Variants in RPL34 observed in about 807,000 individuals in gnomAD.
The protein encoded by RPL34 is large ribosomal subunit protein eL34.
In RPL34, 2 loss-of-function variants were observed where a neutral mutation model predicts 16.3. The ratio of observed to expected loss-of-function variants is 0.12; its 90% CI spans 0.05 to 0.39. RPL34 has a LOEUF of 0.39. Ranked by LOEUF, RPL34 falls within the 10% of genes least tolerant of loss-of-function variation. The pLI is 0.99. For synonymous variants in RPL34, 47 were observed against 48.5 expected, an observed-to-expected ratio of 0.97 and a Z score of 0.13; for missense variants, 82 against 148.8, an observed-to-expected ratio of 0.55 and a Z score of 2.33.
intron 3 of RPL34, 79 bp downstream of exon 3, chr4:108,622,283 C>A: frequency 1.9e-6 from 2 of 1,076,072 alleles, no homozygotes; most frequent in East Asian, 2.4e-5. Flanking sequence ...TGGAATGAAT[C>A]AAGGAGAGGT....
At chr4:108,628,820 A>C (rs189349583), downstream of RPL34, among the ~76,000 whole-genome samples, 1 of 152,100 alleles carries the variant, frequency 6.6e-6, no homozygotes, top group Non-Finnish European at 1.5e-5. Context: ...TTCACTACTT[A>C]CTATTATTAT....
chr4:108,627,676 G>A (rs2009823), downstream of RPL34, among the ~76,000 whole-genome samples: 6,406 of 152,002 alleles, frequency 0.042, 434 homozygotes, highest in African/African-American at 0.15. Flanking sequence ...AGCCTGACCA[G>A]TATGGTGAAA....
chr4:108,628,894 C>T (rs1726097816), downstream of RPL34, among the ~76,000 whole-genome samples: 1 of 152,204 alleles, frequency 6.6e-6, no homozygotes, highest in African/African-American at 2.4e-5. Context: ...GCGATCTCAG[C>T]TTACTGCAAC....
chr4:108,621,606 C>A (rs1725775680), intron 1 of RPL34: 1 of 255,298 alleles, frequency 3.9e-6, no homozygotes, highest in Non-Finnish European at 7.8e-6. Context: ...CTTCAGAGCT[C>A]ACTTTTTGTG....
chr4:108,627,334 A>G (rs1726047442), downstream of RPL34, among the ~76,000 whole-genome samples: 1 of 152,150 alleles, frequency 6.6e-6, no homozygotes, highest in South Asian at 2.1e-4. Context: ...GGATCACTTG[A>G]GGACAGGAGT....
chr4:108,620,940 A>G (rs1201386336), intron 1 of RPL34: 1 of 152,246 alleles, frequency 6.6e-6, no homozygotes. Flanking sequence ...TTTTCACAGC[A>G]CGCCTGTACG....
intron 1 of RPL34, 42 bp downstream of exon 1, chr4:108,620,642 C>T (rs1190676079): frequency 3.8e-6 from 1 of 261,422 alleles, no homozygotes; most frequent in Non-Finnish European, 7.9e-6. Context: ...ATTTCCTTAC[C>T]AATCGGCTGC....
At chr4:108,620,887 G>A (rs1006033220) in intron 1 of RPL34, 1 of 152,476 alleles carries the variant, frequency 6.6e-6, no homozygotes, top group Non-Finnish European at 1.5e-5. Flanking sequence ...TTGGCGGTTT[G>A]AGTCTGGAAA....
Position 108,625,311 on chromosome 4 carries a change from G to C in RPL34, c.*99G>C. 2 of 677,322 alleles carry C rather than the reference G, an allele frequency of 3.0e-6. No individual in the cohort carries two copies. The highest frequency in any genetic ancestry group is 5.2e-6 in the Non-Finnish European group (2 of 387,852). The allele number at this position is 677,322 out of a possible 1,614,324, so 42.0% of individuals were successfully genotyped here. A position where few individuals can be genotyped will look rare whatever the true frequency, so the allele number is the denominator to read the frequency against. ...GTGTTAGTATACAGATTTTGTTTCT[G>C]TATGGTATTTGGGGACCCTATAGTT... On this transcript the variant is annotated 3_prime_UTR_variant, in exon 5 of 5. Coordinates refer to ENST00000394667, the MANE Select transcript of RPL34 (RefSeq NM_001319236.2).
downstream of RPL34, among the ~76,000 whole-genome samples, chr4:108,627,856 CAA>C (rs113128106): frequency 1.7e-5 from 2 of 117,428 alleles, no homozygotes; most frequent in African/African-American, 3.1e-5. Flanking sequence ...TGAGACTCCT[CAA>C]AAAAAAAAAA....
Position 108,622,801 on chromosome 4 carries a change from G to A in RPL34, c.269+183G>A, listed in dbSNP as rs1725839854. 5 of 463,840 alleles carry A rather than the reference G, an allele frequency of 1.1e-5. 1 individual carries two copies. In the South Asian group the frequency reaches 1.3e-4, roughly 13 times the overall value. The allele number at this position is 463,840 out of a possible 1,614,324, so 28.7% of individuals were successfully genotyped here. Reference sequence around the variant, plus strand: ...ATGATATTCAAAGTAATAATTTGGGGGCATATTTATGCTAGATGTGGAGAT... The same window carrying A: ...ATGATATTCAAAGTAATAATTTGGGAGCATATTTATGCTAGATGTGGAGAT... On this transcript the variant is annotated intron_variant, in intron 4 of 4. Coordinates refer to ENST00000394667, the MANE Select transcript of RPL34 (RefSeq NM_001319236.2).
In RPL34 at chr4:108,625,223, C is replaced by G; in HGVS notation, c.*11C>G. Reference sequence around the variant, plus strand: ...CAGAAAGCTAAATAAAAAAATGAAACTTTTTTGAGTAATAAAAATGAAAAG... The same window carrying G: ...CAGAAAGCTAAATAAAAAAATGAAAGTTTTTTGAGTAATAAAAATGAAAAG... On this transcript the variant is annotated 3_prime_UTR_variant, in exon 5 of 5. Transcript: ENST00000394667. 2 of 1,536,754 alleles carry G rather than the reference C, an allele frequency of 1.3e-6. No homozygotes were observed. The highest frequency in any genetic ancestry group is 1.8e-6 in the Non-Finnish European group (2 of 1,118,160).
At chr4:108,622,653 AATT>A in intron 4 of RPL34, 35 bp downstream of exon 4, 1 of 1,335,394 alleles carries the variant, frequency 7.5e-7, no homozygotes, top group Non-Finnish European at 1.0e-6. Context: ...TTCCTTAGCA[AATT>A]ATTGTGTGTG....
At chr4:108,621,003 T>G (rs1158322697) in intron 1 of RPL34, 6 of 152,372 alleles carry the variant, frequency 3.9e-5, no homozygotes, top group South Asian at 4.1e-4. Flanking sequence ...GGTTTCGCTA[T>G]TTGGCTTCTG....
At position 108,623,690 on chromosome 4, in the gene RPL34, G is replaced by A. The variant is rs762837841; in HGVS notation, c.269+1072G>A. 2.6e-4 allele frequency among the ~76,000 whole-genome samples: 40 copies of A among 152,286 alleles called. 1 individual carries two copies. Among genetic ancestry groups the A allele is most frequent in the Non-Finnish European group, 4.9e-4 (33 of 68,016 alleles). On this transcript the variant is annotated intron_variant, in intron 4 of 4. Transcript: ENST00000394667. ...CAAAGTGCTGGGAATACAGGTATAAGCCACCGCACCCAGTCCTAGCTGAGT... is the reference window on the plus strand; with the variant it reads ...CAAAGTGCTGGGAATACAGGTATAAACCACCGCACCCAGTCCTAGCTGAGT...
At chr4:108,630,327 GTTA>G (rs1726133259), downstream of RPL34, 1 of 152,026 alleles carries the variant, frequency 6.6e-6, no homozygotes, top group Non-Finnish European at 1.5e-5. Context: ...TGACTTGATT[GTTA>G]TTATAAGTAC....
At chr4:108,621,572 T>G (rs1172195651) in intron 1 of RPL34, 1 of 240,078 alleles carries the variant, frequency 4.2e-6, no homozygotes, top group Non-Finnish European at 8.4e-6. Flanking sequence ...ATATTCCCAG[T>G]AAATGGCATA....
intron 3 of RPL34, 97 bp downstream of exon 3, chr4:108,622,301 A>G: frequency 3.1e-6 from 3 of 964,174 alleles, no homozygotes; most frequent in East Asian, 4.8e-5. Flanking sequence ...GGTTACCACT[A>G]AGAGGGTTCA....
downstream of RPL34, among the ~76,000 whole-genome samples, chr4:108,626,739 A>G (rs1726015767): frequency 6.6e-6 from 1 of 151,832 alleles, no homozygotes; most frequent in East Asian, 2.0e-4. Context: ...GCACCCGGCC[A>G]ACACCATCTC....
Sources: allele counts gnomAD v4.1 joint callset (sites outside exome capture counted in the v4.1 genomes callset), GRCh38; gene constraint gnomAD v4.1.1; transcripts MANE v1.5; gene names NCBI Gene and HGNC (gene_info 2026-07-23, HGNC 2026-07-21).